SLC14A2: variants seen among roughly 807,000 people sequenced by gnomAD.
SLC14A2 encodes the protein urea transporter 2.
A neutral mutation model predicts 104.6 loss-of-function variants in SLC14A2; 91 were observed. That is an observed-to-expected ratio of 0.87 (90% confidence interval 0.73 to 1.04). The LOEUF is 1.04. SLC14A2 is among the 50% of genes least tolerant of loss of function. SLC14A2 has a pLI of 0.00. For synonymous variants in SLC14A2, 476 were observed against 466.4 expected (o/e 1.02, Z -0.27); for missense variants, 1,189 against 1,156.0 (o/e 1.03, Z -0.41).
At chr18:45,395,281 G>C (rs1029930314) in intron 1 of SLC14A2, among the ~76,000 whole-genome samples, 6 of 152,194 alleles carry the variant, frequency 3.9e-5, no homozygotes, top group African/African-American at 1.4e-4. Flanking sequence ...GCCAGCCACA[G>C]AAGGACAAAC....
intron 1 of SLC14A2, among the ~76,000 whole-genome samples, chr18:45,391,400 C>T (rs1022725935): frequency 6.6e-6 from 1 of 152,208 alleles, no homozygotes; most frequent in Non-Finnish European, 1.5e-5. Context: ...ATGCATGTGT[C>T]TTTAAAGCAG....
At chr18:45,374,900 C>T (rs915230403) in intron 1 of SLC14A2, among the ~76,000 whole-genome samples, 1 of 152,192 alleles carries the variant, frequency 6.6e-6, no homozygotes, top group Non-Finnish European at 1.5e-5. Flanking sequence ...TAAGCTAAGA[C>T]ACAACCCCTG....
chr18:45,497,581 C>T (rs1022250742), intron 2 of SLC14A2, among the ~76,000 whole-genome samples: 5 of 152,156 alleles, frequency 3.3e-5, no homozygotes, highest in African/African-American at 4.8e-5. Flanking sequence ...AGCTTTCCAA[C>T]GAAATCCATT....
At chr18:45,627,724 A>C (rs1178660351) in intron 4 of SLC14A2, among the ~76,000 whole-genome samples, 1 of 152,156 alleles carries the variant, frequency 6.6e-6, no homozygotes, top group Non-Finnish European at 1.5e-5. Flanking sequence ...TAACAATAAC[A>C]AGGGCCAGGC....
chr18:45,183,906 A>ATTTTTTTTTTTTTTTT, the SLC14A2 span, among the ~76,000 whole-genome samples: 49 of 62,724 alleles, frequency 7.8e-4, 4 homozygotes, highest in Non-Finnish European at 9.5e-4. Flanking sequence ...TAATTTTCTA[A>ATTTTTTTTTTTTTTTT]TTTTTTTTTT....
chr18:45,313,127 A>G (rs2085095539), intron 1 of SLC14A2, among the ~76,000 whole-genome samples: 1 of 152,350 alleles, frequency 6.6e-6, no homozygotes, highest in Non-Finnish European at 1.5e-5. Flanking sequence ...TCACTGGGGC[A>G]AATGGAGAGC....
At chr18:45,667,268 C>T (rs1488965204) in intron 13 of SLC14A2, among the ~76,000 whole-genome samples, 174 bp downstream of exon 13, 3 of 152,192 alleles carry the variant, frequency 2.0e-5, no homozygotes, top group African/African-American at 7.2e-5. Flanking sequence ...AGACATACAG[C>T]CTCTTGAACT....
intron 2 of SLC14A2, chr18:45,549,911 T>G (rs1436835641): frequency 6.6e-6 from 1 of 152,032 alleles, no homozygotes; most frequent in African/African-American, 2.4e-5. Flanking sequence ...TTGACCAAAG[T>G]CATGAAGGTA....
At chr18:45,273,463 A>G (rs1283825713) in intron 1 of SLC14A2, among the ~76,000 whole-genome samples, 2 of 152,126 alleles carry the variant, frequency 1.3e-5, no homozygotes, top group Non-Finnish European at 2.9e-5. Flanking sequence ...TTAAATGGGT[A>G]GGTAAGAATT....
intron 7 of SLC14A2, 49 bp from the exon 8 acceptor site, chr18:45,641,160 T>C (rs780334717): frequency 1.9e-6 from 3 of 1,602,500 alleles, no homozygotes; most frequent in Admixed American, 1.7e-5. Context: ...AGGGTGGTCT[T>C]TGTTCTGTGG....
intron 1 of SLC14A2, among the ~76,000 whole-genome samples, chr18:45,281,959 T>C (rs2084767014): frequency 6.6e-6 from 1 of 152,094 alleles, no homozygotes; most frequent in South Asian, 2.1e-4. Flanking sequence ...TCTGACCTGG[T>C]TCCTACTTGC....
At chr18:45,200,221 A>G in the SLC14A2 span, among the ~76,000 whole-genome samples, 1 of 152,188 alleles carries the variant, frequency 6.6e-6, no homozygotes, top group South Asian at 2.1e-4. Flanking sequence ...TTTTTCAGAC[A>G]GGAAAACTAA....
At chr18:45,547,845 A>C (rs2043995865) in intron 2 of SLC14A2, among the ~76,000 whole-genome samples, 1 of 152,202 alleles carries the variant, frequency 6.6e-6, no homozygotes, top group Non-Finnish European at 1.5e-5. Context: ...TGGAGAACAG[A>C]AGGGCTGCAC....
chr18:45,197,788 T>C, the SLC14A2 span, among the ~76,000 whole-genome samples: 2 of 152,184 alleles, frequency 1.3e-5, no homozygotes, highest in African/African-American at 4.8e-5. Flanking sequence ...TCCGCAGTGA[T>C]CTGTTTGGGG....
chr18:45,202,098 A>G, the SLC14A2 span, among the ~76,000 whole-genome samples: 1 of 152,218 alleles, frequency 6.6e-6, no homozygotes, highest in Non-Finnish European at 1.5e-5. Context: ...TTCAGCAGGT[A>G]TTAATAAGCT....
At chr18:45,277,689 A>G (rs1422852935) in intron 1 of SLC14A2, among the ~76,000 whole-genome samples, 6 of 152,224 alleles carry the variant, frequency 3.9e-5, no homozygotes, top group Non-Finnish European at 8.8e-5. Context: ...GCTTACAGGC[A>G]TGAGCCACCG....
At chr18:45,451,229 G>T (rs1237844186) in intron 1 of SLC14A2, among the ~76,000 whole-genome samples, 1 of 152,078 alleles carries the variant, frequency 6.6e-6, no homozygotes, top group African/African-American at 2.4e-5. Context: ...TGAATGCCCA[G>T]TTGAAAATAG....
At chr18:45,294,107 C>G (rs916353069) in intron 1 of SLC14A2, among the ~76,000 whole-genome samples, 16 of 152,150 alleles carry the variant, frequency 1.1e-4, no homozygotes, top group East Asian at 3.9e-4. Context: ...GGTGAGTTAT[C>G]AAAGGATGCC....
chr18:45,231,384 G>A (rs1013076255), intron 1 of SLC14A2, among the ~76,000 whole-genome samples: 3 of 151,742 alleles, frequency 2.0e-5, no homozygotes, highest in Non-Finnish European at 4.4e-5. Context: ...TTATTTTTTT[G>A]TAGAGACAAG....
Sources: allele counts gnomAD v4.1 joint callset (sites outside exome capture counted in the v4.1 genomes callset), GRCh38; gene constraint gnomAD v4.1.1; transcripts MANE v1.5; gene names NCBI Gene and HGNC (gene_info 2026-07-23, HGNC 2026-07-21).